Variants in MTMR14 observed in about 807,000 individuals in gnomAD.
The protein encoded by MTMR14 is myotubularin related protein 14.
In MTMR14, 48 loss-of-function variants were observed where a neutral mutation model predicts 86.3. The observed-to-expected ratio is 0.56, with a 90% CI of 0.44 to 0.71. The LOEUF (loss-of-function observed/expected upper bound fraction) is 0.71, where lower values mean the gene tolerates loss of function less well. Ranked by LOEUF, MTMR14 falls within the 30% of genes least tolerant of loss-of-function variation. The pLI, the probability that MTMR14 is intolerant of heterozygous loss-of-function variation, is 0.00. For synonymous variants in MTMR14, 366 were observed against 326.1 expected (o/e 1.12, Z -1.32); for missense variants, 780 against 834.6 (o/e 0.93, Z 0.81).
At chr3:9,661,361 G>A (rs954325869) in intron 2 of MTMR14, among the ~76,000 whole-genome samples, 2 of 152,130 alleles carry the variant, frequency 1.3e-5, no homozygotes, top group African/African-American at 2.4e-5. Context: ...CCTCACATGC[G>A]GAGTTCACAA....
At chr3:9,651,132 C>T (rs1171852046) in intron 1 of MTMR14, among the ~76,000 whole-genome samples, 2 of 151,776 alleles carry the variant, frequency 1.3e-5, no homozygotes, top group African/African-American at 4.8e-5. Context: ...GACAGGGTCT[C>T]GCTCTGCTGC....
chr3:9,667,993 T>C (rs578077608), intron 3 of MTMR14, among the ~76,000 whole-genome samples: 1 of 152,180 alleles, frequency 6.6e-6, no homozygotes, highest in Non-Finnish European at 1.5e-5. Flanking sequence ...CTGGTTTGCC[T>C]TCCCATCACC....
At chr3:9,685,347 C>T (rs2075905322) in intron 13 of MTMR14, 100 bp downstream of exon 13, 4 of 1,457,394 alleles carry the variant, frequency 2.7e-6, no homozygotes, top group East Asian at 4.5e-5. Context: ...GCTCCTTGCC[C>T]CAGGTGTGCA....
chr3:9,673,190 G>C (rs1046611511), intron 7 of MTMR14, among the ~76,000 whole-genome samples: 31 of 152,190 alleles, frequency 2.0e-4, no homozygotes, highest in African/African-American at 6.5e-4. Flanking sequence ...TCACCCTTTG[G>C]GTGCATGTCT....
chr3:9,694,127 G>A (rs553613890), intron 17 of MTMR14, among the ~76,000 whole-genome samples: 7 of 152,254 alleles, frequency 4.6e-5, no homozygotes, highest in South Asian at 2.1e-4. Context: ...TGGAGGTTAC[G>A]TGGTGGTCCA....
chr3:9,675,238 G>A (rs555184936), intron 7 of MTMR14, among the ~76,000 whole-genome samples: 1 of 152,358 alleles, frequency 6.6e-6, no homozygotes, highest in South Asian at 2.1e-4. Flanking sequence ...AAAAGCTGGA[G>A]ATGGGATGAG....
intron 9 of MTMR14, among the ~76,000 whole-genome samples, chr3:9,679,381 T>C (rs534392274): frequency 5.9e-5 from 9 of 152,290 alleles, no homozygotes; most frequent in African/African-American, 2.2e-4. Flanking sequence ...GCTTCCTTCT[T>C]TATGTGCTGC....
chr3:9,669,405 G>A (rs2125116221), intron 4 of MTMR14, 27 bp from the exon 5 acceptor site: 2 of 1,613,090 alleles, frequency 1.2e-6, no homozygotes, highest in Non-Finnish European at 1.7e-6. Context: ...ACCAGCCTCA[G>A]TACTGACAGA....
intron 9 of MTMR14, among the ~76,000 whole-genome samples, chr3:9,682,849 A>T (rs1055912832): frequency 6.6e-6 from 1 of 152,076 alleles, no homozygotes; most frequent in African/African-American, 2.4e-5. Flanking sequence ...CCCAGCACTT[A>T]GAGGACCCTA....
chr3:9,684,719 GA>G (rs781243555), intron 11 of MTMR14, 49 bp downstream of exon 11: 10 of 1,606,468 alleles, frequency 6.2e-6, no homozygotes, highest in Non-Finnish European at 8.5e-6. Context: ...GGTGTGTTAG[GA>G]TTGTCTCCAG....
chr3:9,668,826 A>C, intron 4 of MTMR14, 32 bp downstream of exon 4: 1 of 1,609,126 alleles, frequency 6.2e-7, no homozygotes, highest in Non-Finnish European at 8.5e-7. Flanking sequence ...CTGATGTAGA[A>C]TGAGAACCCA....
intron 9 of MTMR14, among the ~76,000 whole-genome samples, chr3:9,680,074 G>A (rs1051334220): frequency 1.4e-4 from 22 of 152,172 alleles, no homozygotes; most frequent in Admixed American, 1.3e-4. Context: ...CCCACAGCCA[G>A]GCCTCTCTGA....
intron 17 of MTMR14, among the ~76,000 whole-genome samples, chr3:9,696,173 A>G (rs1332615086): frequency 6.6e-6 from 1 of 152,208 alleles, no homozygotes; most frequent in Non-Finnish European, 1.5e-5. Flanking sequence ...GTTCTGTTTC[A>G]GGACAAATGT....
chr3:9,687,424 G>A (rs1417494317), intron 13 of MTMR14, among the ~76,000 whole-genome samples: 19 of 151,794 alleles, frequency 1.3e-4, no homozygotes, highest in African/African-American at 4.1e-4. Flanking sequence ...GCATGGTGGC[G>A]GGCACCTGTA....
chr3:9,671,325 G>C (rs1411437316), intron 6 of MTMR14, among the ~76,000 whole-genome samples, 155 bp downstream of exon 6: 1 of 152,130 alleles, frequency 6.6e-6, no homozygotes, highest in Non-Finnish European at 1.5e-5. Context: ...TGCAAAATAG[G>C]TACCAGTGTC....
At chr3:9,685,006 G>C (rs2075890864) in intron 12 of MTMR14, 42 bp downstream of exon 12, 2 of 1,585,076 alleles carry the variant, frequency 1.3e-6, no homozygotes, top group Admixed American at 3.3e-5. Context: ...CTTAGTAACA[G>C]TTTCTATATG....
At chr3:9,688,333 A>G (rs1575060919) in intron 14 of MTMR14, among the ~76,000 whole-genome samples, 1 of 152,202 alleles carries the variant, frequency 6.6e-6, no homozygotes, top group African/African-American at 2.4e-5. Context: ...TGGGAAATGC[A>G]AGAGTCTTGG....
At chr3:9,682,472 A>G (rs1336768836) in intron 9 of MTMR14, among the ~76,000 whole-genome samples, 2 of 152,190 alleles carry the variant, frequency 1.3e-5, no homozygotes, top group African/African-American at 4.8e-5. Context: ...AGGCCCTTCC[A>G]TGGAGTTCCA....
At chr3:9,684,867 A>G (rs2075886585) in intron 11 of MTMR14, 21 bp from the exon 12 acceptor site, 3 of 1,613,108 alleles carry the variant, frequency 1.9e-6, no homozygotes, top group African/African-American at 2.7e-5. Context: ...GCTCTGTCAC[A>G]TCTCCTGTGG....
Sources: allele counts gnomAD v4.1 joint callset (sites outside exome capture counted in the v4.1 genomes callset), GRCh38; gene constraint gnomAD v4.1.1; transcripts MANE v1.5; gene names NCBI Gene and HGNC (gene_info 2026-07-23, HGNC 2026-07-21).